Variants in ARID4B observed in about 807,000 individuals in gnomAD.
The protein encoded by ARID4B is AT-rich interaction domain 4B.
A neutral mutation model predicts 147.5 loss-of-function variants in ARID4B; 26 were observed. The observed-to-expected ratio is 0.18, with a 90% CI of 0.13 to 0.24. The LOEUF (loss-of-function observed/expected upper bound fraction) is 0.24, where lower values mean the gene tolerates loss of function less well. Among genes scored for constraint, ARID4B ranks in the 10% least tolerant of loss-of-function variants. The pLI, the probability that ARID4B is intolerant of heterozygous loss-of-function variation, is 1.00. For synonymous variants in ARID4B, 512 were observed against 507.9 expected, an observed-to-expected ratio of 1.01 and a Z score of -0.11; for missense variants, 1,179 against 1,511.5, an observed-to-expected ratio of 0.78 and a Z score of 3.65.
chr1:235,302,935 C>CTTTTTG (rs1673285662), intron 2 of ARID4B, among the ~76,000 whole-genome samples: 1 of 149,860 alleles, frequency 6.7e-6, no homozygotes, highest in Non-Finnish European at 1.5e-5. Context: ...TTCTTTTTTT[C>CTTTTTG]TTTTTTTTGA....
intron 2 of ARID4B, among the ~76,000 whole-genome samples, chr1:235,269,186 G>GT (rs1670811701): frequency 6.6e-6 from 1 of 151,532 alleles, no homozygotes; most frequent in Non-Finnish European, 1.5e-5. Context: ...ATGAATGAAT[G>GT]TTTTAAAATG....
At chr1:235,237,625 A>G (rs1328494165) in intron 8 of ARID4B, among the ~76,000 whole-genome samples, 1 of 152,176 alleles carries the variant, frequency 6.6e-6, no homozygotes, top group Non-Finnish European at 1.5e-5. Context: ...AGGTAGTTCT[A>G]TTGTTTCTTT....
At chr1:235,261,105 C>G (rs539809704) in intron 2 of ARID4B, among the ~76,000 whole-genome samples, 2 of 152,136 alleles carry the variant, frequency 1.3e-5, no homozygotes, top group South Asian at 2.1e-4. Flanking sequence ...GGCCAGAAGG[C>G]AGATCTTTAA....
intron 16 of ARID4B, among the ~76,000 whole-genome samples, chr1:235,214,361 T>C (rs1372197410): frequency 6.6e-6 from 1 of 152,168 alleles, no homozygotes; most frequent in East Asian, 1.9e-4. Context: ...AATAAAAGTG[T>C]TTTAACATCT....
intron 2 of ARID4B, among the ~76,000 whole-genome samples, chr1:235,280,554 C>T (rs1314493291): frequency 6.6e-6 from 1 of 152,268 alleles, no homozygotes; most frequent in East Asian, 1.9e-4. Context: ...GCCACGCAAA[C>T]GGCTCCTGCC....
At chr1:235,198,032 T>C (rs1665620802) in intron 17 of ARID4B, among the ~76,000 whole-genome samples, 1 of 152,204 alleles carries the variant, frequency 6.6e-6, no homozygotes, top group Non-Finnish European at 1.5e-5. Context: ...GAAGTTGCTC[T>C]ATTAGAAGAG....
intron 14 of ARID4B, 109 bp from the exon 15 acceptor site, chr1:235,220,654 C>A: frequency 2.2e-6 from 2 of 890,902 alleles, no homozygotes; most frequent in Non-Finnish European, 3.1e-6. Context: ...AGATATTGAG[C>A]CATATTAACA....
chr1:235,244,852 G>T (rs1216660869), intron 7 of ARID4B, among the ~76,000 whole-genome samples: 1 of 152,156 alleles, frequency 6.6e-6, no homozygotes, highest in Non-Finnish European at 1.5e-5. Context: ...AGACTTTGTT[G>T]CAGAAAATCA....
intron 2 of ARID4B, among the ~76,000 whole-genome samples, chr1:235,280,378 G>C (rs761661502): frequency 6.6e-6 from 1 of 152,182 alleles, no homozygotes; most frequent in Non-Finnish European, 1.5e-5. Context: ...AAACAAGGTG[G>C]AATACATACT....
intron 14 of ARID4B, among the ~76,000 whole-genome samples, chr1:235,221,249 T>C (rs1452534826): frequency 6.6e-6 from 1 of 152,240 alleles, no homozygotes; most frequent in Non-Finnish European, 1.5e-5. Context: ...AATAAATAAC[T>C]GGCCCTAGGG....
Position 235,240,356 on chromosome 1 carries a change from T to C in ARID4B, c.542A>G (p.Tyr181Cys). The C allele has an allele frequency of 6.2e-7, 1 of 1,613,200 alleles. No individual in the cohort carries two copies. The highest frequency in any genetic ancestry group is 8.5e-7 in the Non-Finnish European group (1 of 1,179,554). The part of the protein sequence containing the change: ...ELLGKVVCVD[Y>C]ISLDKKKALW... Reference sequence around the variant, plus strand: ...TGCTTTCTTTTTATCCAAACTAATGTAATCTACACATACAACTTTGCCTAG... The same window carrying C: ...TGCTTTCTTTTTATCCAAACTAATGCAATCTACACATACAACTTTGCCTAG... The change falls in exon 8 of 24, where the codon TAC becomes TGC. Residue 181 changes from tyrosine (Y) to cysteine (C), a missense_variant. This residue lies in a region of ARID4B where 159 missense variants were observed against 190.5 expected (regional missense o/e 0.83). Coordinates refer to ENST00000264183, the MANE Select transcript of ARID4B (RefSeq NM_016374.6).
chr1:235,308,968 G>A (rs1276470950), intron 2 of ARID4B, among the ~76,000 whole-genome samples: 1 of 151,274 alleles, frequency 6.6e-6, no homozygotes, highest in Non-Finnish European at 1.5e-5. Context: ...CCTCTGCCTG[G>A]CTGCCCAGTC....
Position 235,277,547 on chromosome 1 carries a change from A to AT in ARID4B, c.7-16796_7-16795insA, listed in dbSNP as rs1432841629. ...GCGAGACTCCGTCTCAAAAAAAAAAAAAAATAATAATAATAATGTAAATGA... is the reference window on the plus strand; with the variant it reads ...GCGAGACTCCGTCTCAAAAAAAAAAATAAAATAATAATAATAATGTAAATGA... On this transcript the variant is annotated intron_variant, in intron 2 of 23. Coordinates refer to ENST00000264183, the MANE Select transcript of ARID4B (RefSeq NM_016374.6). Among the ~76,000 whole-genome samples the AT allele has an allele frequency of 1.8e-3, 237 of 130,366 alleles. 2 individuals are homozygous for AT. The highest frequency in any genetic ancestry group is 8.3e-3 in the African/African-American group (230 of 27,586). The allele number at this position is 130,366 out of a possible 152,430, so 85.5% of individuals were successfully genotyped here.
intron 3 of ARID4B, among the ~76,000 whole-genome samples, chr1:235,257,635 C>A (rs1183444794): frequency 6.6e-6 from 1 of 152,048 alleles, no homozygotes; most frequent in African/African-American, 2.4e-5. Flanking sequence ...GCACCTACCA[C>A]CAGGCCAACT....
chr1:235,182,498 G>C lies in ARID4B; in HGVS notation c.2421C>G (p.Val807=), dbSNP rs59573098. ...AAGATTTATCTGTTGTGTCCTTCTT[G>C]ACATCCTTTCTCTTTTTTGTGACTT... ...EDEVTKKRKD[V]KKDTTDKSSK... is the part of the protein sequence containing the mutation. Residue 807 remains valine, a synonymous_variant, in exon 20 of 24, where the codon GTC becomes GTG. Coordinates refer to ENST00000264183, the MANE Select transcript of ARID4B (RefSeq NM_016374.6). The C allele has an allele frequency of 5.1e-5, 82 of 1,613,174 alleles. No individual in the cohort carries two copies. The highest frequency in any genetic ancestry group is 6.7e-5 in the Non-Finnish European group (79 of 1,179,840).
At chr1:235,172,590 TAAATAA>T (rs2102894731) in intron 23 of ARID4B, 22 bp downstream of exon 23, 3 of 1,410,854 alleles carry the variant, frequency 2.1e-6, no homozygotes, top group Non-Finnish European at 2.8e-6. Flanking sequence ...AATAAATAAA[TAAATAA>T]AAATAAAGTA....
intron 16 of ARID4B, among the ~76,000 whole-genome samples, chr1:235,219,521 A>G (rs1667303785): frequency 6.6e-6 from 1 of 152,242 alleles, no homozygotes; most frequent in African/African-American, 2.4e-5. Flanking sequence ...CAAGTAATTC[A>G]GCAGACCTAA....
chr1:235,225,300 G>A (rs772243018), intron 11 of ARID4B, among the ~76,000 whole-genome samples: 1 of 152,120 alleles, frequency 6.6e-6, no homozygotes, highest in African/African-American at 2.4e-5. Flanking sequence ...AGTAAAGTGG[G>A]GAACAAATTT....
intron 2 of ARID4B, among the ~76,000 whole-genome samples, chr1:235,274,267 G>A (rs1572131411): frequency 2.6e-5 from 4 of 152,132 alleles, no homozygotes; most frequent in Admixed American, 2.6e-4. Flanking sequence ...GAGGCTACTT[G>A]GGAGGTTGAG....
Sources: gnomAD v4.1 joint callset for allele counts (sites outside exome capture counted in the v4.1 genomes callset) on GRCh38, gnomAD v4.1.1 for gene constraint, gnomAD v4.1.1 regional missense constraint, MANE v1.5 for transcripts, NCBI Gene and HGNC (gene_info 2026-07-23, HGNC 2026-07-21) for gene names.